The following SMIM35 variants were observed in gnomAD, a reference collection of about 807,000 sequenced individuals.
SMIM35 encodes TMPRSS4 antisense RNA 1 (non-protein coding).
At chr11:118,037,461 AG>A (rs774290675) in intron 1 of SMIM35, among the ~76,000 whole-genome samples, 65 of 152,172 alleles carry the variant, frequency 4.3e-4, no homozygotes, top group Non-Finnish European at 8.7e-4. Context: ...AGGGGGCCCC[AG>A]GGTCCGGTGT....
At chr11:118,034,233 A>G (rs896981469) in intron 1 of SMIM35, among the ~76,000 whole-genome samples, 6 of 152,220 alleles carry the variant, frequency 3.9e-5, no homozygotes, top group Non-Finnish European at 7.3e-5. Context: ...AGATCGTGCC[A>G]TTCATTGCAC....
chr11:118,020,552 T>A lies in SMIM35; in HGVS notation c.8-4743A>T, dbSNP rs112963160. Among the ~76,000 whole-genome samples the A allele has an allele frequency of 6.1e-3, 930 of 152,348 alleles. 8 individuals are homozygous for A. The highest frequency in any genetic ancestry group is 0.021 in the African/African-American group (887 of 41,588). ...TTCATTTATTTTGGGTCATCTTTTATAGACTGTCATATGTTTTATAATTTG... is the reference window on the plus strand; with the variant it reads ...TTCATTTATTTTGGGTCATCTTTTAAAGACTGTCATATGTTTTATAATTTG... On this transcript the variant is annotated intron_variant, in intron 1 of 4. Coordinates refer to ENST00000689828, the MANE Select transcript of SMIM35 (RefSeq NM_001394165.1).
intron 1 of SMIM35, among the ~76,000 whole-genome samples, chr11:118,043,771 C>G (rs1944043605): frequency 6.7e-6 from 1 of 149,424 alleles, no homozygotes; most frequent in Non-Finnish European, 1.5e-5. Context: ...CCACTGCATT[C>G]CAGCCTGGGC....
intron 1 of SMIM35, among the ~76,000 whole-genome samples, chr11:118,030,222 A>G (rs533302081): frequency 2.0e-5 from 3 of 152,128 alleles, no homozygotes; most frequent in Admixed American, 6.5e-5. Flanking sequence ...TTTAGTAGAG[A>G]TGGGGTTTCG....
At chr11:118,016,141 T>A (rs1156269014) in intron 1 of SMIM35, among the ~76,000 whole-genome samples, 1 of 152,090 alleles carries the variant, frequency 6.6e-6, no homozygotes, top group Non-Finnish European at 1.5e-5. Context: ...AGGTCCAGCC[T>A]CAGCATGAGC....
chr11:118,077,700 T>A (rs977474088), intron 1 of SMIM35, among the ~76,000 whole-genome samples: 3 of 152,186 alleles, frequency 2.0e-5, no homozygotes, highest in Non-Finnish European at 4.4e-5. Flanking sequence ...CTGGGGAAAC[T>A]GATTCCTTTT....
intron 1 of SMIM35, among the ~76,000 whole-genome samples, chr11:118,084,559 A>G (rs1591343142): frequency 1.3e-5 from 2 of 152,226 alleles, no homozygotes; most frequent in Admixed American, 6.5e-5. Flanking sequence ...GCTGGTTATC[A>G]CTGGGGCCTC....
chr11:118,009,777 A>C (rs2058141373), intron 4 of SMIM35, among the ~76,000 whole-genome samples: 2 of 152,162 alleles, frequency 1.3e-5, no homozygotes, highest in Admixed American at 1.3e-4. Context: ...TACAGGTAAG[A>C]ACCAGGAGAA....
At chr11:118,064,388 G>A (rs1017844743) in intron 1 of SMIM35, among the ~76,000 whole-genome samples, 6 of 152,210 alleles carry the variant, frequency 3.9e-5, no homozygotes, top group Middle Eastern at 3.4e-3. Flanking sequence ...AGGTCCCACC[G>A]GAGGTTCAGG....
chr11:118,085,287 G>A (rs1234129458), intron 1 of SMIM35, among the ~76,000 whole-genome samples: 1 of 150,786 alleles, frequency 6.6e-6, no homozygotes, highest in African/African-American at 2.4e-5. Context: ...ACAGTGGCAG[G>A]ATCTTGGCTC....
intron 1 of SMIM35, among the ~76,000 whole-genome samples, chr11:118,069,686 G>A (rs1944539753): frequency 8.5e-5 from 13 of 152,176 alleles, no homozygotes; most frequent in Admixed American, 8.5e-4. Flanking sequence ...AGGGCCTAAG[G>A]AGAGGGTATT....
chr11:118,017,471 C>T (rs943736640), intron 1 of SMIM35, among the ~76,000 whole-genome samples: 1 of 152,144 alleles, frequency 6.6e-6, no homozygotes, highest in African/African-American at 2.4e-5. Flanking sequence ...AGAGCCCCTC[C>T]AGTGAAGGGA....
At chr11:118,069,007 T>A (rs1013220072) in intron 1 of SMIM35, among the ~76,000 whole-genome samples, 1 of 152,236 alleles carries the variant, frequency 6.6e-6, no homozygotes, top group Non-Finnish European at 1.5e-5. Context: ...AACTCATTTG[T>A]TAACGGACCA....
At chr11:118,025,416 T>C in intron 1 of SMIM35, 1 of 439,280 alleles carries the variant, frequency 2.3e-6, no homozygotes, top group Non-Finnish European at 4.6e-6. Flanking sequence ...CAACAGTGTG[T>C]AAACGTTCCC....
At chr11:118,026,261 A>T (rs2058273061) in intron 1 of SMIM35, among the ~76,000 whole-genome samples, 2 of 152,230 alleles carry the variant, frequency 1.3e-5, no homozygotes, top group South Asian at 4.1e-4. Flanking sequence ...TTAGAACTAA[A>T]CATAGAAAAT....
chr11:118,025,467 T>C, intron 1 of SMIM35: 1 of 455,086 alleles, frequency 2.2e-6, no homozygotes, highest in Non-Finnish European at 4.4e-6. Context: ...TTTTCTGACT[T>C]CTTAATAGTA....
At chr11:118,077,143 C>G in intron 1 of SMIM35, 1 of 756,272 alleles carries the variant, frequency 1.3e-6, no homozygotes, top group Admixed American at 3.1e-5. Context: ...GCGTGAGGGA[C>G]CAAGGCCTGC....
At chr11:118,028,855 GGAA>G (rs761744904) in intron 1 of SMIM35, 20 of 449,544 alleles carry the variant, frequency 4.4e-5, no homozygotes, top group African/African-American at 2.6e-4. Context: ...AAAAGGAGGA[GGAA>G]GAAGAAGAAA....
At chr11:118,011,856 T>A (rs1722624063) in intron 4 of SMIM35, among the ~76,000 whole-genome samples, 1 of 152,078 alleles carries the variant, frequency 6.6e-6, no homozygotes, top group East Asian at 1.9e-4. Flanking sequence ...TCAGAACCAC[T>A]AAGGGGCCTT....
Sources: gnomAD v4.1 joint callset for allele counts (sites outside exome capture counted in the v4.1 genomes callset) on GRCh38, gnomAD v4.1.1 for gene constraint, MANE v1.5 for transcripts, NCBI Gene and HGNC (gene_info 2026-07-23, HGNC 2026-07-21) for gene names.